ERAP1: variants seen among roughly 807,000 people sequenced by gnomAD.
The protein encoded by ERAP1 is endoplasmic reticulum aminopeptidase 1, also known as adipocyte-derived leucine aminopeptidase.
A neutral mutation model predicts 103.7 loss-of-function variants in ERAP1; 86 were observed. The ratio of observed to expected loss-of-function variants is 0.83; its 90% CI spans 0.70 to 0.99. The LOEUF is 0.99. ERAP1 is among the 50% of genes least tolerant of loss of function. The probability of loss-of-function intolerance (pLI) is 0.00; values close to 1 mark genes in which losing one functional copy is unlikely to be tolerated. For missense variants in ERAP1, 1,009 were observed against 1,128.4 expected (o/e 0.89, Z 1.52); for synonymous variants, 398 against 402.4 (o/e 0.99, Z 0.13).
chr5:96,841,063 A>C, the ERAP1 span, among the ~76,000 whole-genome samples: 1 of 152,192 alleles, frequency 6.6e-6, no homozygotes, highest in African/African-American at 2.4e-5. Flanking sequence ...AGTCATGACC[A>C]CTGGGGTAGC....
At chr5:96,899,279 T>C in the ERAP1 span, among the ~76,000 whole-genome samples, 1 of 152,176 alleles carries the variant, frequency 6.6e-6, no homozygotes, top group Non-Finnish European at 1.5e-5. Flanking sequence ...GTTCCTAGTT[T>C]TAAGAAAAGT....
the ERAP1 span, among the ~76,000 whole-genome samples, chr5:96,840,834 T>C: frequency 2.0e-5 from 3 of 152,020 alleles, no homozygotes; most frequent in South Asian, 6.3e-4. Flanking sequence ...GCCTCCCAAC[T>C]GGCTGGGACT....
chr5:96,812,943 C>T (rs555854711), upstream of ERAP1, among the ~76,000 whole-genome samples: 1 of 152,220 alleles, frequency 6.6e-6, no homozygotes, highest in Non-Finnish European at 1.5e-5. Flanking sequence ...AAGTGGTCTT[C>T]AGGCCACCAC....
chr5:96,801,045 G>T, intron 2 of ERAP1, 45 bp from the exon 3 acceptor site: 1 of 1,608,404 alleles, frequency 6.2e-7, no homozygotes. Flanking sequence ...TGAAGCACCA[G>T]GAACTCTAAA....
At chr5:96,787,517 C>T (rs916145232) in intron 11 of ERAP1, among the ~76,000 whole-genome samples, 6 of 152,136 alleles carry the variant, frequency 3.9e-5, no homozygotes, top group Admixed American at 2.0e-4. Context: ...CCTCCTGCCT[C>T]GGCTTCCCAA....
the ERAP1 span, among the ~76,000 whole-genome samples, chr5:96,833,467 T>C: frequency 3.3e-5 from 5 of 152,204 alleles, no homozygotes; most frequent in African/African-American, 9.6e-5. Flanking sequence ...CAAAATGGTG[T>C]CAAGATAAAA....
chr5:96,793,262 T>C lies in ERAP1; in HGVS notation c.1188+138A>G. 4 of 728,210 alleles carry C rather than the reference T, an allele frequency of 5.5e-6. No individual in the cohort carries two copies. In the South Asian group the frequency reaches 6.5e-5, roughly 12 times the overall value. 45.1% of individuals were successfully genotyped at this position (728,210 alleles called of 1,614,324 possible). On this transcript the variant is annotated intron_variant, in intron 7 of 18. Coordinates refer to ENST00000443439, the MANE Select transcript of ERAP1 (RefSeq NM_001040458.3). Reference sequence around the variant, plus strand: ...GTTCACTAGCATTTTTGCAACACGATTCATATCTAAACTGTCAAGGAAGTT... The same window carrying C: ...GTTCACTAGCATTTTTGCAACACGACTCATATCTAAACTGTCAAGGAAGTT...
the ERAP1 span, among the ~76,000 whole-genome samples, chr5:96,931,721 G>A: frequency 1.3e-5 from 2 of 152,178 alleles, no homozygotes; most frequent in Admixed American, 6.5e-5. Flanking sequence ...GGTTTCCCCT[G>A]CTCTCAAGAA....
the ERAP1 span, among the ~76,000 whole-genome samples, chr5:96,816,237 C>T: frequency 3.3e-5 from 5 of 152,138 alleles, no homozygotes; most frequent in African/African-American, 1.2e-4. Flanking sequence ...CTGAATCGTT[C>T]CCTTGCATTC....
At chr5:96,768,238 C>T (rs1770767481) in intron 19 of ERAP1, among the ~76,000 whole-genome samples, 1 of 152,002 alleles carries the variant, frequency 6.6e-6, no homozygotes, top group Non-Finnish European at 1.5e-5. Flanking sequence ...CGTGCACCAC[C>T]ACACCCAGCT....
At chr5:96,789,058 C>G (rs1187715018) in intron 10 of ERAP1, among the ~76,000 whole-genome samples, 1 of 152,084 alleles carries the variant, frequency 6.6e-6, no homozygotes, top group Non-Finnish European at 1.5e-5. Flanking sequence ...TTTGGACAAG[C>G]AAGGTGGAAA....
chr5:96,814,568 G>T, the ERAP1 span, among the ~76,000 whole-genome samples: 1 of 152,168 alleles, frequency 6.6e-6, no homozygotes, highest in African/African-American at 2.4e-5. Flanking sequence ...GTTCTTCATT[G>T]AGCTGAAAAT....
At chr5:96,823,849 T>A in the ERAP1 span, among the ~76,000 whole-genome samples, 2 of 152,230 alleles carry the variant, frequency 1.3e-5, no homozygotes, top group Non-Finnish European at 2.9e-5. Flanking sequence ...CTGCTTCTCA[T>A]TGGCATATTC....
chr5:96,790,356 T>C lies in ERAP1; in HGVS notation c.1464A>G (p.Thr488=). 6.2e-7 allele frequency: 1 copy of C among 1,614,120 alleles called. No individual in the cohort carries two copies. The highest frequency in any genetic ancestry group is 1.3e-5 in the African/African-American group (1 of 75,058). Residue 488 remains threonine, a synonymous_variant, in exon 10 of 19, where the codon ACA becomes ACG. Transcript: ENST00000443439. ...AGCCATCCATCCCTTTTACACCATCTGTAGGGCAAATCTAAAAACCAAAAA... is the reference window on the plus strand; with the variant it reads ...AGCCATCCATCCCTTTTACACCATCCGTAGGGCAAATCTAAAAACCAAAAA... The part of the protein sequence containing the change: ...LWDSMASICP[T]DGVKGMDGFC...
At chr5:96,935,678 C>T in the ERAP1 span, 1 of 159,020 alleles carries the variant, frequency 6.3e-6, no homozygotes, top group Non-Finnish European at 1.4e-5. Flanking sequence ...ACTCGTGTGT[C>T]TTCTGTGTTT....
intron 3 of ERAP1, among the ~76,000 whole-genome samples, chr5:96,798,413 T>C (rs2150982152): frequency 6.6e-6 from 1 of 151,862 alleles, no homozygotes; most frequent in Non-Finnish European, 1.5e-5. Flanking sequence ...GGGGTATAGT[T>C]GATGGAGGTA....
Position 96,800,982 on chromosome 5 carries a change from TTG to T in ERAP1, c.541_542del (p.Gln181IlefsTer2). On this transcript the variant is annotated frameshift_variant, in exon 3 of 19. Transcript: ENST00000443439. LOFTEE classifies it high-confidence loss of function. Reference sequence around the variant, plus strand: ...CCATTCTAGCTGCAGTGGGTTCAAATTGTGTTGATGCTAGTATCCTAAAATTA... The same window carrying T: ...CCATTCTAGCTGCAGTGGGTTCAAATTGTTGATGCTAGTATCCTAAAATTA... ...EGELRILASTQFEPTAARMAF... is the reference protein window; with the variant it reads ...EGELRILASTXFEPTAARMAF... 1 of 1,614,166 alleles carries T rather than the reference TTG, an allele frequency of 6.2e-7. No individual in the cohort carries two copies. The highest frequency in any genetic ancestry group is 8.5e-7 in the Non-Finnish European group (1 of 1,180,030).
chr5:96,835,547 T>A, the ERAP1 span, among the ~76,000 whole-genome samples: 1 of 152,206 alleles, frequency 6.6e-6, no homozygotes, highest in Non-Finnish European at 1.5e-5. Flanking sequence ...TTAAAAAAAA[T>A]TCCAGGTGCT....
the ERAP1 span, chr5:96,896,490 G>A: frequency 1.1e-5 from 17 of 1,613,144 alleles, no homozygotes; most frequent in Admixed American, 1.7e-5. Context: ...GTTTGATGAA[G>A]TTTCCTATAA....
Sources: gnomAD v4.1 joint callset for allele counts (sites outside exome capture counted in the v4.1 genomes callset) on GRCh38, gnomAD v4.1.1 for gene constraint, MANE v1.5 for transcripts, NCBI Gene and HGNC (gene_info 2026-07-23, HGNC 2026-07-21) for gene names.